Variants in BMP7 observed in about 807,000 individuals in gnomAD.
BMP7 encodes bone morphogenetic protein 7.
In BMP7, 12 loss-of-function variants were observed where a neutral mutation model predicts 41.2. The observed-to-expected ratio is 0.29, with a 90% CI of 0.19 to 0.47. The LOEUF is 0.47. Ranked by LOEUF, BMP7 falls within the 20% of genes least tolerant of loss-of-function variation. The pLI is 0.99. For missense variants in BMP7, 467 were observed against 606.0 expected, an observed-to-expected ratio of 0.77 and a Z score of 2.41; for synonymous variants, 248 against 250.0, an observed-to-expected ratio of 0.99 and a Z score of 0.07.
chr20:57,193,141 C>T (rs1984416111), intron 3 of BMP7, among the ~76,000 whole-genome samples: 1 of 152,196 alleles, frequency 6.6e-6, no homozygotes, highest in African/African-American at 2.4e-5. Context: ...GTAAAATCCA[C>T]CCCTTTTGGT....
At chr20:57,249,630 G>A (rs1190914019) in intron 1 of BMP7, among the ~76,000 whole-genome samples, 1 of 152,168 alleles carries the variant, frequency 6.6e-6, no homozygotes, top group African/African-American at 2.4e-5. Context: ...AAGGTACTCA[G>A]GGAAGTGTAT....
intron 2 of BMP7, among the ~76,000 whole-genome samples, chr20:57,203,419 G>A (rs529283858): frequency 1.1e-4 from 16 of 151,916 alleles, no homozygotes; most frequent in Admixed American, 4.6e-4. Context: ...GTGAATGAGT[G>A]GATGGATGGA....
At chr20:57,175,683 G>A (rs1230093333) in intron 4 of BMP7, among the ~76,000 whole-genome samples, 1 of 152,232 alleles carries the variant, frequency 6.6e-6, no homozygotes, top group Non-Finnish European at 1.5e-5. Context: ...CTGTCTGTCT[G>A]TCTTGTCTCT....
At chr20:57,212,371 C>A (rs942780122) in intron 2 of BMP7, among the ~76,000 whole-genome samples, 1 of 152,126 alleles carries the variant, frequency 6.6e-6, no homozygotes, top group Admixed American at 6.5e-5. Context: ...GGCCTCTGGC[C>A]GCGGGAGGTC....
intron 3 of BMP7, among the ~76,000 whole-genome samples, chr20:57,189,264 G>A (rs1425180043): frequency 6.6e-6 from 1 of 152,222 alleles, no homozygotes; most frequent in East Asian, 1.9e-4. Flanking sequence ...GCAAACAGAG[G>A]AAATCACAGA....
At chr20:57,264,578 G>C (rs1351164288) in intron 1 of BMP7, among the ~76,000 whole-genome samples, 3 of 152,148 alleles carry the variant, frequency 2.0e-5, no homozygotes, top group Non-Finnish European at 2.9e-5. Context: ...GGGTCGTCGC[G>C]GCTCCAGTCG....
In BMP7 at chr20:57,259,298, G is replaced by A. The variant is rs2066145242; in HGVS notation, c.418+6407C>T. 2.0e-5 allele frequency among the ~76,000 whole-genome samples: 3 copies of A among 152,208 alleles called. No individual in the cohort carries two copies. Among genetic ancestry groups the A allele is most frequent in the African/African-American group, 4.8e-5 (2 of 41,458 alleles). ...CCCCAAGCATCAGCGAGGGCTGGAA[G>A]CCTTCACTGTGAAGCCCTTTATAGA... On this transcript the variant is annotated intron_variant, in intron 1 of 6. Coordinates refer to ENST00000395863, the MANE Select transcript of BMP7 (RefSeq NM_001719.3). The surrounding 1 kb of genome is among the most constrained non-coding windows in gnomAD (Gnocchi z 4.7).
Position 57,183,976 on chromosome 20 carries a change from G to T in BMP7, c.761-57C>A, listed in dbSNP as rs953402832. On this transcript the variant is annotated intron_variant, in intron 3 of 6. Coordinates refer to ENST00000395863, the MANE Select transcript of BMP7 (RefSeq NM_001719.3). ...GTAGTTACAGGAGGGCCACGAGCGG[G>T]ACAGGGCTGCAGAGATGCTATGCCT... 32 of 1,582,124 alleles carry T rather than the reference G, an allele frequency of 2.0e-5. 1 individual carries two copies. In the East Asian group the frequency reaches 5.9e-4, roughly 29 times the overall value.
intron 2 of BMP7, among the ~76,000 whole-genome samples, chr20:57,207,894 A>C (rs1278334933): frequency 7.1e-6 from 1 of 140,550 alleles, no homozygotes; most frequent in Non-Finnish European, 1.5e-5. Context: ...CAGTGGCGCA[A>C]TCTCGGCTCA....
chr20:57,207,710 A>T (rs1304815842), intron 2 of BMP7, among the ~76,000 whole-genome samples: 3 of 152,232 alleles, frequency 2.0e-5, no homozygotes, highest in Non-Finnish European at 4.4e-5. Flanking sequence ...ACTTCTGGGA[A>T]AATGCAAAAT....
rs140341097 is a variant in BMP7, at chr20:57,206,655, C to T, written c.612-4032G>A. Among the ~76,000 whole-genome samples the T allele has an allele frequency of 1.4e-3, 220 of 152,280 alleles. 1 individual carries two copies. The highest frequency in any genetic ancestry group is 0.014 in the Middle Eastern group (4 of 294). ...AGGCAAGGTTACGCCAGATAATTCC[C>T]GTGTCTTGGTTTCCTCTTATGTAAA... On this transcript the variant is annotated intron_variant, in intron 2 of 6. Coordinates refer to ENST00000395863, the MANE Select transcript of BMP7 (RefSeq NM_001719.3).
At chr20:57,173,179 C>T in intron 6 of BMP7, 21 bp downstream of exon 6, 1 of 1,610,904 alleles carries the variant, frequency 6.2e-7, no homozygotes, top group Non-Finnish European at 8.5e-7. Context: ...TGACCACACC[C>T]CAAGATGGCG....
intron 2 of BMP7, among the ~76,000 whole-genome samples, chr20:57,219,312 A>C (rs1323403517): frequency 6.4e-5 from 8 of 125,808 alleles, no homozygotes; most frequent in African/African-American, 4.1e-4. Context: ...GTAAGTGGGA[A>C]GGTGGGAAGA....
chr20:57,258,065 T>C (rs2066140828), intron 1 of BMP7, among the ~76,000 whole-genome samples: 1 of 152,162 alleles, frequency 6.6e-6, no homozygotes, highest in African/African-American at 2.4e-5. Context: ...TTTTTATTCG[T>C]GGCCAATTTT....
intron 1 of BMP7, among the ~76,000 whole-genome samples, chr20:57,237,823 G>C (rs140301027): frequency 6.6e-6 from 1 of 152,212 alleles, no homozygotes; most frequent in Non-Finnish European, 1.5e-5. Context: ...CAGCATGGAC[G>C]TGAGAGCCGT....
At chr20:57,229,255 T>C (rs2066019733) in intron 1 of BMP7, among the ~76,000 whole-genome samples, 1 of 152,170 alleles carries the variant, frequency 6.6e-6, no homozygotes, top group South Asian at 2.1e-4. Context: ...CATATCTCTT[T>C]AAAGCACCCC....
At chr20:57,194,582 A>T (rs540298321) in intron 3 of BMP7, among the ~76,000 whole-genome samples, 1 of 152,250 alleles carries the variant, frequency 6.6e-6, no homozygotes, top group South Asian at 2.1e-4. Flanking sequence ...ATGAGATAAG[A>T]CATCATTATT....
chr20:57,256,901 A>G (rs2066136277), intron 1 of BMP7, among the ~76,000 whole-genome samples: 1 of 152,144 alleles, frequency 6.6e-6, no homozygotes, highest in Admixed American at 6.5e-5. Flanking sequence ...AAAAAAAAGA[A>G]AAAAAGAAAT....
At position 57,174,939 on chromosome 20, in the gene BMP7, C is replaced by T; in HGVS notation, c.1027G>A (p.Gly343Ser). The part of the protein sequence containing the change: ...HELYVSFRDL[G>S]WQDWIIAPEG... ...CCCAGCCAGCCCCTTACCTGCCAGC[C>T]CAGGTCTCGGAAGCTGACATACAGC... Residue 343 changes from glycine (G) to serine (S), a missense_variant, in exon 5 of 7, where the codon GGC (glycine) becomes AGC (serine). This residue lies in a region of BMP7 where 407 missense variants were observed against 485.9 expected (regional missense o/e 0.84). Transcript: ENST00000395863. The surrounding 1 kb of genome is among the most constrained non-coding windows in gnomAD (Gnocchi z 4.3). The T allele has an allele frequency of 6.2e-7, 1 of 1,611,706 alleles. No individual in the cohort carries two copies.
Sources: gnomAD v4.1 joint callset for allele counts (sites outside exome capture counted in the v4.1 genomes callset) on GRCh38, gnomAD v4.1.1 for gene constraint, gnomAD v4.1.1 regional missense constraint, Gnocchi (gnomAD v3.1) non-coding constraint, MANE v1.5 for transcripts, NCBI Gene and HGNC (gene_info 2026-07-23, HGNC 2026-07-21) for gene names.